Variants in LAMA2 observed in about 807,000 individuals in gnomAD.
LAMA2 encodes the protein laminin subunit alpha-2.
LAMA2 carries 269 observed loss-of-function variants against 364.8 expected under a neutral mutation model. The observed-to-expected ratio is 0.74, with a 90% CI of 0.67 to 0.82. The LOEUF is 0.82. Ranked by LOEUF, LAMA2 falls within the 40% of genes least tolerant of loss-of-function variation. LAMA2 has a pLI of 0.00. For missense variants in LAMA2, 3,807 were observed against 3,873.2 expected (o/e 0.98, Z 0.45); for synonymous variants, 1,379 against 1,370.6 (o/e 1.01, Z -0.14).
chr6:129,378,016 A>G (rs1778473231), intron 34 of LAMA2, among the ~76,000 whole-genome samples: 1 of 152,214 alleles, frequency 6.6e-6, no homozygotes, highest in Admixed American at 6.5e-5. Context: ...ATAAAAGAAA[A>G]GGTAATCAAA....
intron 4 of LAMA2, among the ~76,000 whole-genome samples, chr6:129,139,430 T>A (rs1406159199): frequency 6.6e-6 from 1 of 152,136 alleles, no homozygotes; most frequent in Non-Finnish European, 1.5e-5. Context: ...GTATAACAAC[T>A]ATTTACATAG....
chr6:129,045,548 TTAA>T (rs2114763551), intron 1 of LAMA2, among the ~76,000 whole-genome samples: 1 of 152,318 alleles, frequency 6.6e-6, no homozygotes, highest in South Asian at 2.1e-4. Context: ...GTGGAAAGAA[TTAA>T]TAAAATTTAT....
intron 40 of LAMA2, among the ~76,000 whole-genome samples, chr6:129,408,604 T>C: frequency 6.6e-6 from 1 of 152,172 alleles, no homozygotes; most frequent in East Asian, 1.9e-4. Context: ...CTTTGCATGA[T>C]GGAAGAGGTC....
intron 43 of LAMA2, among the ~76,000 whole-genome samples, chr6:129,441,228 G>A (rs929400698): frequency 6.6e-5 from 10 of 152,164 alleles, no homozygotes; most frequent in Non-Finnish European, 8.8e-5. Context: ...CAGTTGAGAA[G>A]AGATTAGGAA....
chr6:129,210,603 C>T (rs1411611394), intron 12 of LAMA2, among the ~76,000 whole-genome samples: 1 of 152,160 alleles, frequency 6.6e-6, no homozygotes, highest in East Asian at 1.9e-4. Flanking sequence ...GTTTCTAGCT[C>T]TTTCTGAATA....
At chr6:129,079,286 A>G (rs1773875875) in intron 3 of LAMA2, among the ~76,000 whole-genome samples, 9 of 152,146 alleles carry the variant, frequency 5.9e-5, no homozygotes, top group Admixed American at 5.9e-4. Context: ...TATTGTTGTT[A>G]AATCTCTTAC....
At chr6:129,068,920 A>G (rs1362220331) in intron 3 of LAMA2, among the ~76,000 whole-genome samples, 1 of 152,186 alleles carries the variant, frequency 6.6e-6, no homozygotes, top group East Asian at 1.9e-4. Context: ...AGGCCATACA[A>G]TGATGCTGTT....
chr6:128,963,521 C>T (rs1273310441), intron 1 of LAMA2, among the ~76,000 whole-genome samples: 2 of 139,914 alleles, frequency 1.4e-5, no homozygotes, highest in Non-Finnish European at 3.0e-5. Context: ...TGAGTATTTT[C>T]CACAGAGTTG....
At chr6:129,342,780 A>G (rs1368395506) in intron 30 of LAMA2, among the ~76,000 whole-genome samples, 1 of 152,162 alleles carries the variant, frequency 6.6e-6, no homozygotes, top group Non-Finnish European at 1.5e-5. Context: ...ATACCAGTCT[A>G]ATGCTTGCAT....
At chr6:129,011,351 A>G (rs1486475880) in intron 1 of LAMA2, among the ~76,000 whole-genome samples, 1 of 152,206 alleles carries the variant, frequency 6.6e-6, no homozygotes, top group Non-Finnish European at 1.5e-5. Flanking sequence ...TATAGTACCA[A>G]GTCCCTGCTC....
intron 1 of LAMA2, among the ~76,000 whole-genome samples, chr6:128,917,813 GC>G (rs1299810675): frequency 7.6e-6 from 1 of 132,034 alleles, no homozygotes; most frequent in African/African-American, 2.9e-5. Context: ...GGCTTATTGT[GC>G]CCTTGACATC....
chr6:128,922,654 C>T (rs144593642), intron 1 of LAMA2, among the ~76,000 whole-genome samples: 12,604 of 151,410 alleles, frequency 0.083, 1,046 homozygotes, highest in African/African-American at 0.21. Context: ...CCCATTTTGT[C>T]GGTTGCCTGT....
chr6:129,505,161 G>A (rs745506368), intron 60 of LAMA2, 39 bp from the exon 61 acceptor site: 4 of 1,582,592 alleles, frequency 2.5e-6, no homozygotes, highest in African/African-American at 2.7e-5. Flanking sequence ...TGTGAAATTT[G>A]TTCAGGATTG....
chr6:129,080,692 G>T (rs1249331282), intron 3 of LAMA2, among the ~76,000 whole-genome samples: 1 of 152,162 alleles, frequency 6.6e-6, no homozygotes, highest in African/African-American at 2.4e-5. Context: ...ACCACAAAGA[G>T]ATACCATCCC....
At chr6:129,252,767 A>G (rs374744335) in intron 14 of LAMA2, among the ~76,000 whole-genome samples, 1 of 137,472 alleles carries the variant, frequency 7.3e-6, no homozygotes, top group East Asian at 2.0e-4. Flanking sequence ...CACCCATCTC[A>G]CTATAAAACA....
At chr6:129,346,979 G>A (rs1262625127) in intron 30 of LAMA2, among the ~76,000 whole-genome samples, 1 of 152,132 alleles carries the variant, frequency 6.6e-6, no homozygotes, top group Admixed American at 6.6e-5. Context: ...CACTGCACTG[G>A]CCCTGAGACA....
intron 3 of LAMA2, among the ~76,000 whole-genome samples, chr6:129,096,579 C>T (rs1775202332): frequency 6.6e-6 from 1 of 152,138 alleles, no homozygotes; most frequent in Non-Finnish European, 1.5e-5. Context: ...TGCAGTGATA[C>T]TCAATAAAAC....
intron 12 of LAMA2, among the ~76,000 whole-genome samples, chr6:129,217,546 G>A (rs1783506334): frequency 6.6e-6 from 1 of 152,046 alleles, no homozygotes; most frequent in African/African-American, 2.4e-5. Context: ...TATAAATAGT[G>A]CTTTCAATAG....
chr6:129,024,895 A>C (rs1394389772), intron 1 of LAMA2, among the ~76,000 whole-genome samples: 2 of 152,038 alleles, frequency 1.3e-5, no homozygotes, highest in Non-Finnish European at 2.9e-5. Flanking sequence ...GTTATAGCAC[A>C]CTATGATTAT....
Sources: allele counts gnomAD v4.1 joint callset (sites outside exome capture counted in the v4.1 genomes callset), GRCh38; gene constraint gnomAD v4.1.1; transcripts MANE v1.5; gene names NCBI Gene and HGNC (gene_info 2026-07-23, HGNC 2026-07-21).